MLIP: variants seen among roughly 807,000 people sequenced by gnomAD.
The protein encoded by MLIP is muscular LMNA-interacting protein.
In MLIP, 79 loss-of-function variants were observed where a neutral mutation model predicts 84.8. The ratio of observed to expected loss-of-function variants is 0.93; its 90% CI spans 0.78 to 1.12. The LOEUF (loss-of-function observed/expected upper bound fraction) is 1.12, where lower values mean the gene tolerates loss of function less well. Ranked by LOEUF, MLIP falls within the 50% of genes most tolerant of loss-of-function variation. The pLI is 0.00. For synonymous variants in MLIP, 504 were observed against 463.0 expected (o/e 1.09, Z -1.14); for missense variants, 1,257 against 1,160.6 (o/e 1.08, Z -1.21).
chr6:54,141,808 T>C (rs971889763), intron 4 of MLIP, among the ~76,000 whole-genome samples: 1 of 152,196 alleles, frequency 6.6e-6, no homozygotes, highest in African/African-American at 2.4e-5. Flanking sequence ...CAAAGCCTCG[T>C]AGAGTCTGCC....
intron 11 of MLIP, among the ~76,000 whole-genome samples, chr6:54,224,530 G>A (rs1174624622): frequency 6.6e-6 from 1 of 151,946 alleles, no homozygotes; most frequent in East Asian, 1.9e-4. Context: ...GTTGCTTAAC[G>A]ATGGAAATAC....
At chr6:54,258,968 A>G (rs1744575102) in intron 13 of MLIP, among the ~76,000 whole-genome samples, 1 of 151,662 alleles carries the variant, frequency 6.6e-6, no homozygotes, top group African/African-American at 2.4e-5. Context: ...AAATTTCTCT[A>G]TTTAAATTTA....
intron 9 of MLIP, among the ~76,000 whole-genome samples, chr6:54,187,991 G>A (rs1777561641): frequency 6.6e-6 from 1 of 152,144 alleles, no homozygotes; most frequent in Non-Finnish European, 1.5e-5. Context: ...TGGTGACAGA[G>A]GGAGACTCCG....
intron 4 of MLIP, among the ~76,000 whole-genome samples, chr6:54,147,644 G>T (rs1772997057): frequency 6.6e-6 from 1 of 152,152 alleles, no homozygotes; most frequent in Non-Finnish European, 1.5e-5. Context: ...TTGGGAAAAA[G>T]TGTGCAGCTT....
rs1056661024 is a variant in MLIP, at chr6:54,111,674, T to G, written c.96+99T>G. ...AAGGATGTGAGGGAGAGCTGCCCAG[T>G]GAAGATAAATTTGTATGTATATTGA... On this transcript the variant is annotated intron_variant, in intron 1 of 13. Coordinates refer to ENST00000502396, the MANE Select transcript of MLIP (RefSeq NM_001281747.2). 1.2e-5 allele frequency: 15 copies of G among 1,212,356 alleles called. No individual in the cohort carries two copies. In the African/African-American group the frequency reaches 1.8e-4, roughly 15 times the overall value. The allele number at this position is 1,212,356 out of a possible 1,614,324, so 75.1% of individuals were successfully genotyped here. A position where few individuals can be genotyped will look rare whatever the true frequency, so the allele number is the denominator to read the frequency against.
At position 54,210,730 on chromosome 6, in the gene MLIP, G is replaced by GAAAAAA. The variant is rs70980900; in HGVS notation, c.2718+8508_2718+8513dup. Among the ~76,000 whole-genome samples, 998 of 131,182 alleles carry GAAAAAA rather than the reference G, an allele frequency of 7.6e-3. 14 individuals are homozygous for GAAAAAA. The highest frequency in any genetic ancestry group is 0.024 in the African/African-American group (874 of 36,118). The allele number at this position is 131,182 out of a possible 152,430, so 86.1% of individuals were successfully genotyped here. On this transcript the variant is annotated intron_variant, in intron 11 of 13. Coordinates refer to ENST00000502396, the MANE Select transcript of MLIP (RefSeq NM_001281747.2). The stretch of plus-strand genomic sequence containing the variant: ...TTTACAATAAAGACTCCAACGGAGG[G>GAAAAAA]AAAAAAAAAAAAAAAATGTTCTAAT...
chr6:54,257,380 T>C lies in MLIP; in HGVS notation c.2976+19T>C, dbSNP rs1222534271. The C allele has an allele frequency of 6.4e-7, 1 of 1,558,372 alleles. No individual in the cohort carries two copies. The highest frequency in any genetic ancestry group is 8.8e-7 in the Non-Finnish European group (1 of 1,132,020). On this transcript the variant is annotated intron_variant, in intron 13 of 13. Coordinates refer to ENST00000502396, the MANE Select transcript of MLIP (RefSeq NM_001281747.2). Reference sequence around the variant, plus strand: ...CAAAGAGGTAAATGTAAGATAGGACTGGATATCTAATTATCCATTTCTGTG... The same window carrying C: ...CAAAGAGGTAAATGTAAGATAGGACCGGATATCTAATTATCCATTTCTGTG...
chr6:54,104,370 T>C (rs1768863480), intron 1 of MLIP, among the ~76,000 whole-genome samples: 1 of 152,214 alleles, frequency 6.6e-6, no homozygotes, highest in South Asian at 2.1e-4. Context: ...CTTTATGATA[T>C]ATGTAAAAAT....
chr6:54,191,850 A>G (rs2150681322), intron 10 of MLIP, among the ~76,000 whole-genome samples: 1 of 152,144 alleles, frequency 6.6e-6, no homozygotes, highest in African/African-American at 2.4e-5. Context: ...AAACATTCTC[A>G]TATATAGTTT....
chr6:54,202,285 A>C (rs754457717), intron 11 of MLIP, 52 bp downstream of exon 11: 5 of 822,120 alleles, frequency 6.1e-6, no homozygotes, highest in Non-Finnish European at 7.6e-6. Context: ...ATAAATATAT[A>C]TAAAATATAT....
chr6:54,258,232 A>C (rs1268240772), intron 13 of MLIP, among the ~76,000 whole-genome samples: 1 of 152,112 alleles, frequency 6.6e-6, no homozygotes, highest in African/African-American at 2.4e-5. Context: ...CATAATATAA[A>C]AGAGAAGTAA....
chr6:54,187,965 C>T (rs900431368), intron 9 of MLIP, among the ~76,000 whole-genome samples: 3 of 152,152 alleles, frequency 2.0e-5, no homozygotes, highest in African/African-American at 7.2e-5. Context: ...CGAGATTGCA[C>T]CACTGCAATC....
chr6:54,083,644 T>C, intron 1 of MLIP: 1 of 1,534,942 alleles, frequency 6.5e-7, no homozygotes, highest in South Asian at 1.2e-5. Context: ...ATTAGTACAA[T>C]TCCTTGATAC....
intron 11 of MLIP, among the ~76,000 whole-genome samples, chr6:54,207,717 G>GA (rs1254527116): frequency 1.3e-5 from 2 of 152,174 alleles, no homozygotes; most frequent in Non-Finnish European, 1.5e-5. Context: ...AATTTACTAG[G>GA]AAACAATGAC....
chr6:54,202,187 CT>C lies in MLIP; in HGVS notation c.2675del (p.Phe892SerfsTer17). ...KKEEEVYEPNPFSKYLEDNSD... is the reference protein window; with the variant it reads ...KKEEEVYEPNXFSKYLEDNSD... ...GAGGAGGAAGTCTATGAACCCAACC[CT>C]TTCAGTAAATACTTGGAAGATAACA... On this transcript the variant is annotated frameshift_variant, in exon 11 of 14. Coordinates refer to ENST00000502396, the MANE Select transcript of MLIP (RefSeq NM_001281747.2). LOFTEE classifies it high-confidence loss of function. 1 of 1,594,382 alleles carries C rather than the reference CT, an allele frequency of 6.3e-7. No individual in the cohort carries two copies. Among genetic ancestry groups the C allele is most frequent in the South Asian group, 1.1e-5 (1 of 87,358 alleles).
intron 1 of MLIP, among the ~76,000 whole-genome samples, chr6:54,113,037 T>C (rs1395581228): frequency 6.6e-6 from 1 of 152,210 alleles, no homozygotes; most frequent in Admixed American, 6.5e-5. Flanking sequence ...ATTTTCATCA[T>C]TATATATGCT....
intron 4 of MLIP, among the ~76,000 whole-genome samples, chr6:54,140,911 G>T (rs1772240158): frequency 6.6e-6 from 1 of 152,126 alleles, no homozygotes; most frequent in South Asian, 2.1e-4. Context: ...GCTCCTTCCA[G>T]TGTGATGCTA....
At chr6:54,166,395 C>CT (rs966106081) in intron 8 of MLIP, among the ~76,000 whole-genome samples, 9 of 151,776 alleles carry the variant, frequency 5.9e-5, no homozygotes, top group Non-Finnish European at 1.2e-4. Flanking sequence ...CTTAGATCCC[C>CT]TTTTTTTATG....
At chr6:54,135,529 C>A (rs192669937) in intron 3 of MLIP, among the ~76,000 whole-genome samples, 22 of 152,102 alleles carry the variant, frequency 1.4e-4, no homozygotes, top group Non-Finnish European at 1.0e-4. Context: ...ATGTTATAAG[C>A]AAAATCAAGA....
Sources: gnomAD v4.1 joint callset for allele counts (sites outside exome capture counted in the v4.1 genomes callset) on GRCh38, gnomAD v4.1.1 for gene constraint, MANE v1.5 for transcripts, NCBI Gene and HGNC (gene_info 2026-07-23, HGNC 2026-07-21) for gene names.